Variants in SV2C observed in about 807,000 individuals in gnomAD.
SV2C encodes solute carrier family 22 member B3.
Under a neutral mutation model 79.7 loss-of-function variants are expected in SV2C, and 49 were observed. The ratio of observed to expected loss-of-function variants is 0.61; its 90% CI spans 0.49 to 0.78. The LOEUF is 0.78. Ranked by LOEUF, SV2C falls within the 30% of genes least tolerant of loss-of-function variation. The pLI is 0.00. For synonymous variants in SV2C, 334 were observed against 333.2 expected, an observed-to-expected ratio of 1.00 and a Z score of -0.03; for missense variants, 833 against 912.9, an observed-to-expected ratio of 0.91 and a Z score of 1.13.
chr5:75,856,615 CTTTAG>C, the SV2C span, among the ~76,000 whole-genome samples: 1 of 152,090 alleles, frequency 6.6e-6, no homozygotes. Flanking sequence ...CTATTCAGAT[CTTTAG>C]TTTATTTTAA....
chr5:76,107,085 C>A (rs191935400), intron 1 of SV2C, among the ~76,000 whole-genome samples: 32 of 152,200 alleles, frequency 2.1e-4, no homozygotes, highest in African/African-American at 6.3e-4. Flanking sequence ...AATGAGTATA[C>A]AAAGGAATTA....
chr5:76,304,940 A>G (rs138022441), intron 12 of SV2C, among the ~76,000 whole-genome samples: 236 of 152,322 alleles, frequency 1.5e-3, no homozygotes, highest in African/African-American at 5.4e-3. Flanking sequence ...ATGGTTCTGC[A>G]GACTATACAG....
At chr5:75,887,379 C>T in the SV2C span, among the ~76,000 whole-genome samples, 3,281 of 152,074 alleles carry the variant, frequency 0.022, 113 homozygotes, top group African/African-American at 0.075. Context: ...ACCCCAGCCC[C>T]CCGTAACCAA....
At chr5:76,020,920 T>A in the SV2C span, among the ~76,000 whole-genome samples, 8 of 152,176 alleles carry the variant, frequency 5.3e-5, no homozygotes, top group African/African-American at 1.9e-4. Context: ...CTGAATGATT[T>A]TACTGAAGTC....
At chr5:76,322,908 T>C (rs900301233) in intron 12 of SV2C, among the ~76,000 whole-genome samples, 30 of 152,156 alleles carry the variant, frequency 2.0e-4, no homozygotes, top group African/African-American at 7.0e-4. Flanking sequence ...AAGACTTAAA[T>C]GTAAAGCCCA....
chr5:75,937,140 T>A, the SV2C span, among the ~76,000 whole-genome samples: 1 of 152,202 alleles, frequency 6.6e-6, no homozygotes, highest in African/African-American at 2.4e-5. Context: ...AGTGTTTAAT[T>A]TCTTTGTAAA....
chr5:75,959,374 C>A, the SV2C span, among the ~76,000 whole-genome samples: 1 of 151,960 alleles, frequency 6.6e-6, no homozygotes, highest in Non-Finnish European at 1.5e-5. Context: ...AGAATGGCCT[C>A]AAAGCTCATC....
At chr5:75,946,840 G>A in the SV2C span, among the ~76,000 whole-genome samples, 1 of 152,036 alleles carries the variant, frequency 6.6e-6, no homozygotes, top group Non-Finnish European at 1.5e-5. Flanking sequence ...TGTGCTCATA[G>A]GTACATGACT....
At chr5:76,260,333 T>G (rs1253108364) in intron 4 of SV2C, among the ~76,000 whole-genome samples, 1 of 152,202 alleles carries the variant, frequency 6.6e-6, no homozygotes, top group Non-Finnish European at 1.5e-5. Context: ...TTATAGATTC[T>G]GCATAGTAAA....
chr5:76,224,154 G>A (rs748409912), intron 4 of SV2C, among the ~76,000 whole-genome samples: 1 of 152,086 alleles, frequency 6.6e-6, no homozygotes, highest in Non-Finnish European at 1.5e-5. Flanking sequence ...CTACTAGAAG[G>A]GCTCCACCCT....
At chr5:76,061,374 C>A in the SV2C span, among the ~76,000 whole-genome samples, 1 of 149,936 alleles carries the variant, frequency 6.7e-6, no homozygotes, top group East Asian at 2.0e-4. Context: ...TTCCAAAGGT[C>A]TGTAAAGGAT....
At chr5:75,855,436 A>G in the SV2C span, among the ~76,000 whole-genome samples, 3 of 152,108 alleles carry the variant, frequency 2.0e-5, no homozygotes, top group South Asian at 2.1e-4. Context: ...ACATACAGGT[A>G]TACCTCATTT....
At chr5:76,100,990 C>T (rs561975310) in intron 1 of SV2C, among the ~76,000 whole-genome samples, 2 of 152,274 alleles carry the variant, frequency 1.3e-5, no homozygotes, top group African/African-American at 4.8e-5. Context: ...GAATTGCCCT[C>T]GTTTAATAAC....
intron 3 of SV2C, among the ~76,000 whole-genome samples, chr5:76,195,610 G>C (rs1744247970): frequency 6.6e-6 from 1 of 152,138 alleles, no homozygotes; most frequent in Non-Finnish European, 1.5e-5. Flanking sequence ...TGAATTAACA[G>C]AAGTTGTGCT....
chr5:76,035,323 G>A, the SV2C span, among the ~76,000 whole-genome samples: 1 of 151,698 alleles, frequency 6.6e-6, no homozygotes, highest in Non-Finnish European at 1.5e-5. Context: ...TGCTTCTCTA[G>A]TTCTTTTAAT....
chr5:75,977,059 T>G, the SV2C span, among the ~76,000 whole-genome samples: 1 of 152,218 alleles, frequency 6.6e-6, no homozygotes, highest in Non-Finnish European at 1.5e-5. Context: ...TTATTTATAG[T>G]CTAAATATAT....
rs368524557 is a variant in SV2C, at chr5:76,178,749, C to T, written c.581-16170C>T. 4.6e-5 allele frequency among the ~76,000 whole-genome samples: 7 copies of T among 152,314 alleles called. No individual in the cohort carries two copies. In the South Asian group the frequency reaches 1.5e-3, roughly 32 times the overall value. On this transcript the variant is annotated intron_variant, in intron 2 of 12. Transcript: ENST00000502798. ...AACTGCAGGCTGGTGGAAACTGTCT[C>T]ATGGAGCCTGCCTTTTTGGCAGATT...
chr5:76,236,409 A>G (rs993655743), intron 4 of SV2C, among the ~76,000 whole-genome samples: 4 of 152,028 alleles, frequency 2.6e-5, no homozygotes, highest in Non-Finnish European at 4.4e-5. Context: ...CTAAAAATAC[A>G]GAATTATCCA....
At chr5:76,321,660 G>C (rs934909638) in intron 12 of SV2C, among the ~76,000 whole-genome samples, 4 of 151,208 alleles carry the variant, frequency 2.6e-5, no homozygotes, top group African/African-American at 9.7e-5. Context: ...AGGATCACTT[G>C]AGCCCAGTAG....
Sources: gnomAD v4.1 joint callset for allele counts (sites outside exome capture counted in the v4.1 genomes callset) on GRCh38, gnomAD v4.1.1 for gene constraint, MANE v1.5 for transcripts, NCBI Gene and HGNC (gene_info 2026-07-23, HGNC 2026-07-21) for gene names.